ASB15: variants seen among roughly 807,000 people sequenced by gnomAD.
The protein encoded by ASB15 is ankyrin repeat and SOCS box containing 15.
In ASB15, 54 loss-of-function variants were observed where a neutral mutation model predicts 58.0. That is an observed-to-expected ratio of 0.93 (90% confidence interval 0.75 to 1.17). The LOEUF (loss-of-function observed/expected upper bound fraction) is 1.17. ASB15 is among the 50% of genes most tolerant of loss of function. ASB15 has a pLI of 0.00. For synonymous variants in ASB15, 249 were observed against 262.4 expected (o/e 0.95, Z 0.50); for missense variants, 680 against 707.4 (o/e 0.96, Z 0.44).
intron 2 of ASB15, among the ~76,000 whole-genome samples, chr7:123,604,665 CT>C (rs1213110615): frequency 1.3e-5 from 2 of 151,828 alleles, no homozygotes; most frequent in African/African-American, 4.8e-5. Flanking sequence ...CAAACTGAGG[CT>C]ACCAATTACT....
At chr7:123,617,876 T>C in intron 7 of ASB15, 139 bp downstream of exon 7, 1 of 827,632 alleles carries the variant, frequency 1.2e-6, no homozygotes, top group Non-Finnish European at 1.8e-6. Flanking sequence ...CCATGTCTTC[T>C]GTCCTGTGAT....
chr7:123,615,389 G>A (rs1252294324), intron 4 of ASB15: 1 of 152,064 alleles, frequency 6.6e-6, no homozygotes, highest in Non-Finnish European at 1.5e-5. Flanking sequence ...TTTAAAAATT[G>A]TTGCTTTTGA....
At chr7:123,590,078 G>A (rs927839340) in intron 1 of ASB15, among the ~76,000 whole-genome samples, 1 of 152,144 alleles carries the variant, frequency 6.6e-6, no homozygotes, top group African/African-American at 2.4e-5. Flanking sequence ...CAGTGATGGT[G>A]AGCATTTCTT....
rs542643880 is a variant in ASB15, at chr7:123,577,383, T to C, written c.-443+10295T>C. On this transcript the variant is annotated intron_variant, in intron 1 of 13. Coordinates refer to the ASB15 transcript ENST00000451558. ...GTTTTACATAAAATGCTTCTGTAAC[T>C]GGCCCAGTTTCCCTTCCTTTAACAG... Among the ~76,000 whole-genome samples the C allele has an allele frequency of 2.0e-5, 3 of 152,298 alleles. No homozygotes were observed. The South Asian group carries it at 6.2e-4, about 32-fold the overall frequency.
In ASB15 at chr7:123,617,490, G is replaced by A. The variant is rs903882322; in HGVS notation, c.293-89G>A. On this transcript the variant is annotated intron_variant, in intron 6 of 11. Coordinates refer to ENST00000451215, the MANE Select transcript of ASB15 (RefSeq NM_001290258.2). ...TTCATCAATTGACTTTGTTCAATCC[G>A]ATGTATATAATATTGGATTGCTCTG... 6.9e-5 allele frequency: 79 copies of A among 1,148,034 alleles called. 1 individual carries two copies. In the African/African-American group the frequency reaches 9.1e-4, roughly 13 times the overall value. 71.1% of individuals were successfully genotyped at this position (1,148,034 alleles called of 1,614,324 possible).
intron 7 of ASB15, among the ~76,000 whole-genome samples, chr7:123,619,179 CAAAAAAA>C (rs528943780): frequency 1.6e-4 from 9 of 55,260 alleles, no homozygotes; most frequent in African/African-American, 6.0e-4. Flanking sequence ...GACGCCGTCT[CAAAAAAA>C]AAAAAAAAAA....
chr7:123,635,379 C>T (rs566892141), intron 11 of ASB15, among the ~76,000 whole-genome samples: 13 of 151,978 alleles, frequency 8.6e-5, no homozygotes, highest in African/African-American at 2.2e-4. Context: ...AGCTTAAAAC[C>T]GTCTCTTTTT....
chr7:123,578,455 T>C (rs1799130849), intron 1 of ASB15, among the ~76,000 whole-genome samples: 1 of 152,026 alleles, frequency 6.6e-6, no homozygotes, highest in Admixed American at 6.6e-5. Flanking sequence ...CTCCTTCTAC[T>C]TATTTTTCTG....
In ASB15 at chr7:123,637,877, C is replaced by CAAAAAAAAAAAAAAAAAAAAAAAAAAAA. The variant is rs1459949582; in HGVS notation, c.*896_*897insAAAAAAAAAAAAAAAAAAAAAAAAAAAA. ...CAAATTCAACATGTCCCCAGATGAA[C>CAAAAAAAAAAAAAAAAAAAAAAAAAAAA]TAAAAAAAAAAAAAAAAAAAAAACC... is the stretch of plus-strand genomic sequence containing the variant. On this transcript the variant is annotated 3_prime_UTR_variant, in exon 12 of 12. Transcript: ENST00000451215. 5.2e-5 allele frequency: 1 copy of CAAAAAAAAAAAAAAAAAAAAAAAAAAAA among 19,120 alleles called. No homozygotes were observed. The highest frequency in any genetic ancestry group is 2.4e-4 in the African/African-American group (1 of 4,104). 1.2% of individuals were successfully genotyped at this position (19,120 alleles called of 1,614,324 possible).
rs75693521 is a variant in ASB15, at chr7:123,570,400, G to A, written c.-443+3312G>A. Among the ~76,000 whole-genome samples, 552 of 151,960 alleles carry A rather than the reference G, an allele frequency of 3.6e-3. 23 individuals are homozygous for A. In the East Asian group the frequency reaches 0.096, roughly 26 times the overall value. On this transcript the variant is annotated intron_variant, in intron 1 of 13. Coordinates refer to the ASB15 transcript ENST00000451558. ...TTTTGACTATATCACCCACCCTGAT[G>A]TTCCCTGACTGTCCCTTCCACCGAG...
At chr7:123,569,681 C>T (rs556159216) in intron 1 of ASB15, among the ~76,000 whole-genome samples, 27 of 152,258 alleles carry the variant, frequency 1.8e-4, no homozygotes, top group African/African-American at 6.5e-4. Flanking sequence ...GATGAACCCA[C>T]AGTAGCACAA....
At position 123,628,926 on chromosome 7, in the gene ASB15, C is replaced by T; in HGVS notation, c.932C>T (p.Pro311Leu). The T allele has an allele frequency of 6.2e-7, 1 of 1,602,718 alleles. No individual in the cohort carries two copies. The highest frequency in any genetic ancestry group is 8.5e-7 in the Non-Finnish European group (1 of 1,175,048). The change falls in exon 10 of 12, where the codon CCA becomes CTA. Residue 311 changes from proline to leucine, a missense_variant. Physicochemically the swap from Pro to Leu is moderately conservative, Grantham distance 98 (BLOSUM62 -3). Coordinates refer to ENST00000451215, the MANE Select transcript of ASB15 (RefSeq NM_001290258.2). The part of the protein sequence containing the change: ...KNAIRKSGLT[P>L]IHSAADGQNA... ...GCAATTCGGAAAAGTGGGCTAACAC[C>T]AATTCACTCAGCAGCAGATGGACAA... is the stretch of plus-strand genomic sequence containing the variant.
At chr7:123,623,979 GA>G (rs1801582701) in intron 7 of ASB15, among the ~76,000 whole-genome samples, 1 of 132,634 alleles carries the variant, frequency 7.5e-6, no homozygotes, top group Non-Finnish European at 1.7e-5. Flanking sequence ...AAGAAAGAAA[GA>G]AAGAAAGAAA....
At chr7:123,570,040 T>C in intron 1 of ASB15, among the ~76,000 whole-genome samples, 1 of 144,718 alleles carries the variant, frequency 6.9e-6, no homozygotes. Context: ...TTTTTTTTTT[T>C]TTTTTTTTTT....
intron 1 of ASB15, among the ~76,000 whole-genome samples, chr7:123,588,558 T>TCTTC (rs990514660): frequency 4.0e-5 from 6 of 151,038 alleles, no homozygotes; most frequent in Admixed American, 6.6e-5. Flanking sequence ...TTTCTTTCCT[T>TCTTC]CTTCCTTCCT....
intron 1 of ASB15, among the ~76,000 whole-genome samples, chr7:123,603,450 T>C (rs1322086209): frequency 6.6e-6 from 1 of 152,170 alleles, no homozygotes; most frequent in Non-Finnish European, 1.5e-5. Flanking sequence ...TATTCCTTGA[T>C]GATGGTCTTA....
chr7:123,639,372 G>A lies in ASB15; in HGVS notation c.*2391G>A, dbSNP rs897296796. ...TTATTCTTGTGTTGCACTCTTAGAC[G>A]TGGTTAAATGTATTGTTACCTAAAA... On this transcript the variant is annotated 3_prime_UTR_variant, in exon 12 of 12. Coordinates refer to ENST00000451215, the MANE Select transcript of ASB15 (RefSeq NM_001290258.2). 2 of 152,032 alleles carry A rather than the reference G, an allele frequency of 1.3e-5. No homozygotes were observed. The highest frequency in any genetic ancestry group is 2.4e-5 in the African/African-American group (1 of 41,384). The allele number at this position is 152,032 out of a possible 1,614,324, so 9.4% of individuals were successfully genotyped here.
chr7:123,606,964 C>T (rs1462937623), intron 2 of ASB15, among the ~76,000 whole-genome samples: 1 of 152,132 alleles, frequency 6.6e-6, no homozygotes, highest in African/African-American at 2.4e-5. Context: ...TGGATATATA[C>T]ACACAGAAGT....
Position 123,617,651 on chromosome 7 carries a change from G to A in ASB15, c.365G>A (p.Gly122Asp), listed in dbSNP as rs371457160. 99 of 1,610,786 alleles carry A rather than the reference G, an allele frequency of 6.1e-5. No homozygotes were observed. The highest frequency in any genetic ancestry group is 1.6e-4 in the Middle Eastern group (1 of 6,082). Residue 122 changes from glycine to aspartate, a missense_variant, in exon 7 of 12, where the codon GGT becomes GAT. By Grantham distance (94) the Gly-to-Asp change is moderately conservative. Coordinates refer to ENST00000451215, the MANE Select transcript of ASB15 (RefSeq NM_001290258.2). ...CCCTTGACTTTGGCAGTCAAAGCTG[G>A]TCTGGTGGAAAATGTAAGAACTTTA... ...ETPLTLAVKA[G>D]LVENVRTLLE...
Sources: allele counts gnomAD v4.1 joint callset (sites outside exome capture counted in the v4.1 genomes callset), GRCh38; gene constraint gnomAD v4.1.1; transcripts MANE v1.5; gene names NCBI Gene and HGNC (gene_info 2026-07-23, HGNC 2026-07-21).